The following NBAS variants were observed in gnomAD, a reference collection of about 807,000 sequenced individuals.
NBAS encodes the protein NBAS subunit of NRZ tethering complex, also known as NAG/BC035112 fusion.
NBAS carries 219 observed loss-of-function variants against 302.5 expected under a neutral mutation model. The observed-to-expected ratio is 0.72, with a 90% confidence interval of 0.65 to 0.81. NBAS has a LOEUF of 0.81. Ranked by LOEUF, NBAS falls within the 30% of genes least tolerant of loss-of-function variation. NBAS has a pLI of 0.00. For missense variants in NBAS, 2,932 were observed against 2,841.6 expected, an observed-to-expected ratio of 1.03 and a Z score of -0.72; for synonymous variants, 1,118 against 1,021.6, an observed-to-expected ratio of 1.09 and a Z score of -1.80.
At chr2:14,966,475 C>T in the NBAS span, among the ~76,000 whole-genome samples, 2 of 152,264 alleles carry the variant, frequency 1.3e-5, no homozygotes, top group African/African-American at 2.4e-5. Context: ...CCGTCAGTCC[C>T]CCAGTACAGC....
At chr2:15,508,451 G>C (rs1276116951) in intron 10 of NBAS, among the ~76,000 whole-genome samples, 1 of 151,992 alleles carries the variant, frequency 6.6e-6, no homozygotes, top group Non-Finnish European at 1.5e-5. Context: ...AAACCAAAAG[G>C]GACTTTCACC....
chr2:15,092,090 G>A, the NBAS span, among the ~76,000 whole-genome samples: 1 of 152,270 alleles, frequency 6.6e-6, no homozygotes, highest in Non-Finnish European at 1.5e-5. Flanking sequence ...CTGAGGCCCT[G>A]GTCACAGTAG....
chr2:15,300,216 C>T (rs1019338217), intron 40 of NBAS, among the ~76,000 whole-genome samples: 1 of 152,124 alleles, frequency 6.6e-6, no homozygotes, highest in African/African-American at 2.4e-5. Flanking sequence ...ATTCCTGCAG[C>T]GCATATCCAG....
chr2:15,397,070 G>A (rs1417477109), intron 26 of NBAS, among the ~76,000 whole-genome samples: 1 of 152,234 alleles, frequency 6.6e-6, no homozygotes, highest in South Asian at 2.1e-4. Context: ...AATGCTTTCT[G>A]AGGAAGCCAG....
chr2:14,820,357 T>C, the NBAS span, among the ~76,000 whole-genome samples: 1 of 152,270 alleles, frequency 6.6e-6, no homozygotes, highest in East Asian at 1.9e-4. Context: ...ACCCAATCGA[T>C]TGCAACAACA....
At chr2:14,867,138 T>C in the NBAS span, among the ~76,000 whole-genome samples, 1 of 152,186 alleles carries the variant, frequency 6.6e-6, no homozygotes, top group African/African-American at 2.4e-5. Context: ...CAACTTGATA[T>C]ATCATTAAGT....
chr2:15,180,947 C>T (rs1299862022), intron 50 of NBAS, among the ~76,000 whole-genome samples: 1 of 152,140 alleles, frequency 6.6e-6, no homozygotes, highest in African/African-American at 2.4e-5. Context: ...ATACTTCCTC[C>T]GCAAAAGCAC....
chr2:15,560,221 T>A (rs1218034745), intron 1 of NBAS, among the ~76,000 whole-genome samples: 1 of 152,002 alleles, frequency 6.6e-6, no homozygotes, highest in East Asian at 1.9e-4. Context: ...TCAATAAATA[T>A]CTGTTAAATA....
intron 26 of NBAS, among the ~76,000 whole-genome samples, chr2:15,401,330 C>G (rs1009430278): frequency 6.6e-6 from 1 of 151,686 alleles, no homozygotes; most frequent in South Asian, 2.1e-4. Context: ...TGAGCCCCCC[C>G]TCCCAAAATA....
intron 47 of NBAS, among the ~76,000 whole-genome samples, chr2:15,228,027 A>G (rs752713613): frequency 2.0e-4 from 31 of 152,216 alleles, no homozygotes; most frequent in Non-Finnish European, 3.8e-4. Flanking sequence ...ATGTCAAAGG[A>G]AACAATCAAT....
chr2:15,404,389 T>G (rs1011816442), intron 25 of NBAS, among the ~76,000 whole-genome samples: 2 of 152,114 alleles, frequency 1.3e-5, no homozygotes, highest in African/African-American at 4.8e-5. Context: ...TGAAACCAAT[T>G]TCAGTCAAGG....
the NBAS span, among the ~76,000 whole-genome samples, chr2:14,834,891 A>G: frequency 6.6e-6 from 1 of 152,064 alleles, no homozygotes; most frequent in Non-Finnish European, 1.5e-5. Flanking sequence ...GACAGTATGG[A>G]GGATACACTA....
At chr2:14,954,329 C>T in the NBAS span, among the ~76,000 whole-genome samples, 2 of 152,236 alleles carry the variant, frequency 1.3e-5, no homozygotes, top group African/African-American at 4.8e-5. Context: ...AGGATGCCTG[C>T]ACGGGGGAAT....
intron 7 of NBAS, 84 bp downstream of exon 7, chr2:15,539,139 C>A: frequency 6.5e-7 from 1 of 1,547,410 alleles, no homozygotes; most frequent in East Asian, 2.3e-5. Context: ...TTGTATTATC[C>A]CCCCCTTCAC....
At chr2:15,162,203 G>A (rs1663915703), downstream of NBAS, among the ~76,000 whole-genome samples, 3 of 152,198 alleles carry the variant, frequency 2.0e-5, no homozygotes, top group South Asian at 6.2e-4. Context: ...CTCCGCAACA[G>A]GCGCGTTGTT....
the NBAS span, among the ~76,000 whole-genome samples, chr2:15,001,960 C>T: frequency 6.6e-6 from 1 of 152,262 alleles, no homozygotes; most frequent in South Asian, 2.1e-4. Context: ...GGGCAGCCTG[C>T]TTTTATTCTC....
At chr2:15,438,317 G>T (rs1678134742) in intron 21 of NBAS, among the ~76,000 whole-genome samples, 1 of 152,168 alleles carries the variant, frequency 6.6e-6, no homozygotes, top group African/African-American at 2.4e-5. Flanking sequence ...GGAAAAGACA[G>T]AATAGGCTCC....
chr2:15,083,854 T>A, the NBAS span, among the ~76,000 whole-genome samples: 2 of 152,188 alleles, frequency 1.3e-5, no homozygotes, highest in African/African-American at 4.8e-5. Flanking sequence ...CATTCTCAGC[T>A]CTTCACTTAC....
At chr2:14,931,473 C>T in the NBAS span, among the ~76,000 whole-genome samples, 1 of 152,196 alleles carries the variant, frequency 6.6e-6, no homozygotes, top group Non-Finnish European at 1.5e-5. Flanking sequence ...GGGTATCCTA[C>T]TGCACCACAT....
Sources: allele counts gnomAD v4.1 joint callset (sites outside exome capture counted in the v4.1 genomes callset), GRCh38; gene constraint gnomAD v4.1.1; transcripts MANE v1.5; gene names NCBI Gene and HGNC (gene_info 2026-07-23, HGNC 2026-07-21).